MACROD2: variants seen among roughly 807,000 people sequenced by gnomAD.
MACROD2 encodes mono-ADP ribosylhydrolase 2, also known as ADP-ribose glycohydrolase MACROD2.
A neutral mutation model predicts 70.4 loss-of-function variants in MACROD2; 36 were observed. That is an observed-to-expected ratio of 0.51 (90% confidence interval 0.39 to 0.68). The LOEUF is 0.68. Ranked by LOEUF, MACROD2 falls within the 30% of genes least tolerant of loss-of-function variation. The probability of loss-of-function intolerance (pLI) is 0.00; values close to 1 mark genes in which losing one functional copy is unlikely to be tolerated. For missense variants in MACROD2, 496 were observed against 538.4 expected (o/e 0.92, Z 0.78); for synonymous variants, 172 against 178.8 (o/e 0.96, Z 0.30).
At chr20:15,867,510 A>C (rs6079997) in intron 9 of MACROD2, among the ~76,000 whole-genome samples, 18,019 of 152,224 alleles carry the variant, frequency 0.12, 1,402 homozygotes, top group South Asian at 0.19. Flanking sequence ...GTTACAGTGC[A>C]CCATTACATG....
At chr20:15,961,523 A>G (rs2066061412) in intron 12 of MACROD2, among the ~76,000 whole-genome samples, 1 of 152,180 alleles carries the variant, frequency 6.6e-6, no homozygotes, top group African/African-American at 2.4e-5. Context: ...GCATTTATGA[A>G]TCTGGAGAGA....
intron 5 of MACROD2, among the ~76,000 whole-genome samples, chr20:14,898,393 C>G (rs1318087008): frequency 6.6e-6 from 1 of 151,952 alleles, no homozygotes; most frequent in Non-Finnish European, 1.5e-5. Flanking sequence ...CTCTTTAACA[C>G]AAGAAATTGG....
intron 8 of MACROD2, among the ~76,000 whole-genome samples, chr20:15,515,174 G>C (rs1027955729): frequency 1.3e-5 from 2 of 152,206 alleles, no homozygotes; most frequent in African/African-American, 4.8e-5. Flanking sequence ...TATCCAGCCT[G>C]CTGCTCTTAT....
chr20:14,779,980 G>T (rs2072279337), intron 5 of MACROD2, among the ~76,000 whole-genome samples: 1 of 152,112 alleles, frequency 6.6e-6, no homozygotes, highest in Admixed American at 6.5e-5. Context: ...CACCTTAACT[G>T]TGTGAAGTAG....
At chr20:14,779,373 A>G (rs1184677336) in intron 5 of MACROD2, among the ~76,000 whole-genome samples, 2 of 152,072 alleles carry the variant, frequency 1.3e-5, no homozygotes, top group Non-Finnish European at 2.9e-5. Context: ...GACTGTATTG[A>G]CATGTAATGA....
intron 4 of MACROD2, among the ~76,000 whole-genome samples, chr20:14,587,024 T>C (rs1308165808): frequency 6.6e-6 from 1 of 151,964 alleles, no homozygotes; most frequent in Non-Finnish European, 1.5e-5. Context: ...TAATTTAATT[T>C]AGAGAAACTA....
intron 5 of MACROD2, among the ~76,000 whole-genome samples, chr20:15,041,202 T>C (rs1191709353): frequency 1.3e-5 from 2 of 152,214 alleles, no homozygotes; most frequent in Non-Finnish European, 2.9e-5. Flanking sequence ...ATTTTAATTC[T>C]ATAATGCTAC....
At chr20:15,862,910 T>G in intron 9 of MACROD2, 84 bp downstream of exon 9, 1 of 1,002,726 alleles carries the variant, frequency 1.0e-6, no homozygotes, top group Admixed American at 2.4e-5. Context: ...GTTTTTCATC[T>G]TCAGGACTGT....
At chr20:14,874,424 A>T (rs1019807172) in intron 5 of MACROD2, among the ~76,000 whole-genome samples, 7 of 151,048 alleles carry the variant, frequency 4.6e-5, no homozygotes, top group African/African-American at 1.7e-4. Flanking sequence ...AAAAAAAAAA[A>T]ATTCAAAGCT....
At chr20:14,119,673 A>T (rs984037895) in intron 3 of MACROD2, among the ~76,000 whole-genome samples, 1 of 152,174 alleles carries the variant, frequency 6.6e-6, no homozygotes, top group Non-Finnish European at 1.5e-5. Context: ...TGCCTTTTCC[A>T]TTTGACACTT....
At chr20:14,738,947 A>G (rs1376243782) in intron 5 of MACROD2, among the ~76,000 whole-genome samples, 2 of 152,042 alleles carry the variant, frequency 1.3e-5, no homozygotes, top group African/African-American at 2.4e-5. Context: ...CCACGTCACT[A>G]ATTTATAAAA....
intron 16 of MACROD2, among the ~76,000 whole-genome samples, chr20:16,044,158 G>A (rs537851129): frequency 1.3e-5 from 2 of 152,192 alleles, no homozygotes; most frequent in South Asian, 2.1e-4. Context: ...TGGCGGGAGA[G>A]GAAGGGGGAG....
intron 4 of MACROD2, among the ~76,000 whole-genome samples, chr20:14,608,918 T>C (rs1381907561): frequency 1.3e-5 from 2 of 151,936 alleles, no homozygotes; most frequent in Non-Finnish European, 2.9e-5. Flanking sequence ...GGATAGAAAA[T>C]ACTACTACCC....
At chr20:14,661,500 TTGTC>T (rs1986224457) in intron 4 of MACROD2, among the ~76,000 whole-genome samples, 1 of 152,142 alleles carries the variant, frequency 6.6e-6, no homozygotes. Flanking sequence ...ATTCTATAGG[TTGTC>T]TGTTTACTGT....
chr20:14,096,085 G>A (rs2054220621), intron 3 of MACROD2, among the ~76,000 whole-genome samples: 3 of 152,126 alleles, frequency 2.0e-5, no homozygotes, highest in African/African-American at 7.2e-5. Context: ...GATGAATTAA[G>A]GTTAAAAATG....
intron 5 of MACROD2, among the ~76,000 whole-genome samples, chr20:14,887,751 T>C (rs2073698291): frequency 6.6e-6 from 1 of 152,022 alleles, no homozygotes; most frequent in African/African-American, 2.4e-5. Flanking sequence ...GTATTTTTCA[T>C]TTTTGGTTTA....
Position 15,085,806 on chromosome 20 carries a change from C to G in MACROD2, c.419-144134C>G, listed in dbSNP as rs1164290321. Among the ~76,000 whole-genome samples, 3 of 150,258 alleles carry G rather than the reference C, an allele frequency of 2.0e-5. No homozygotes were observed. The Admixed American group carries it at 2.0e-4, about 10-fold the overall frequency. On this transcript the variant is annotated intron_variant, in intron 5 of 17. Transcript: ENST00000684519. ...CAAAACAAACTCCTATGTATTGAGT[C>G]GATAATATATTCAAAGCATTATATT...
intron 8 of MACROD2, among the ~76,000 whole-genome samples, chr20:15,798,902 A>T (rs2147068300): frequency 6.6e-6 from 1 of 152,270 alleles, no homozygotes; most frequent in South Asian, 2.1e-4. Context: ...GACAGTATTG[A>T]TTTTTTATTT....
intron 2 of MACROD2, among the ~76,000 whole-genome samples, chr20:14,044,554 T>C (rs1312148915): frequency 1.3e-5 from 2 of 152,136 alleles, no homozygotes; most frequent in Admixed American, 1.3e-4. Context: ...TTGGTCCGTT[T>C]TGACAGGGTG....
Sources: gnomAD v4.1 joint callset for allele counts (sites outside exome capture counted in the v4.1 genomes callset) on GRCh38, gnomAD v4.1.1 for gene constraint, MANE v1.5 for transcripts, NCBI Gene and HGNC (gene_info 2026-07-23, HGNC 2026-07-21) for gene names.